The following CRYBG1 variants were observed in gnomAD, a reference collection of about 807,000 sequenced individuals.
The protein encoded by CRYBG1 is crystallin beta-gamma domain containing 1.
Under a neutral mutation model 189.2 loss-of-function variants are expected in CRYBG1, and 139 were observed. That is an observed-to-expected ratio of 0.73 (90% CI 0.64 to 0.85). CRYBG1 has a LOEUF of 0.85. Among genes scored for constraint, CRYBG1 ranks in the 40% least tolerant of loss-of-function variants. The probability of loss-of-function intolerance (pLI) is 0.00; values close to 1 mark genes in which losing one functional copy is unlikely to be tolerated. For synonymous variants in CRYBG1, 1,023 were observed against 1,017.1 expected (o/e 1.01, Z -0.11); for missense variants, 2,611 against 2,675.8 (o/e 0.98, Z 0.53).
At chr6:106,521,531 A>G in intron 4 of CRYBG1, 78 bp downstream of exon 4, 1 of 1,407,864 alleles carries the variant, frequency 7.1e-7, no homozygotes, top group Non-Finnish European at 9.6e-7. Flanking sequence ...AACTCATGTT[A>G]TTCTTTTAGA....
At chr6:106,497,579 G>A (rs1045933842) in intron 2 of CRYBG1, among the ~76,000 whole-genome samples, 10 of 152,196 alleles carry the variant, frequency 6.6e-5, no homozygotes, top group South Asian at 6.2e-4. Flanking sequence ...ACATGTGTGC[G>A]TGTATGTGAT....
At chr6:106,457,315 T>C (rs1771908999) in intron 2 of CRYBG1, 1 of 152,154 alleles carries the variant, frequency 6.6e-6, no homozygotes, top group Non-Finnish European at 1.5e-5. Flanking sequence ...TTTCTTTTAA[T>C]GCCACCGGTT....
chr6:106,530,083 T>C (rs1773843613), intron 7 of CRYBG1, 93 bp from the exon 8 acceptor site: 2 of 1,184,246 alleles, frequency 1.7e-6, no homozygotes, highest in Non-Finnish European at 2.3e-6. Context: ...TTAAAGCTCA[T>C]TTTGATTAGT....
At chr6:106,554,042 T>C (rs985428798) in intron 16 of CRYBG1, among the ~76,000 whole-genome samples, 1 of 152,086 alleles carries the variant, frequency 6.6e-6, no homozygotes, top group Non-Finnish European at 1.5e-5. Flanking sequence ...TTAGATGGCT[T>C]CCACAGGAAA....
intron 1 of CRYBG1, among the ~76,000 whole-genome samples, chr6:106,403,592 T>G (rs1770763956): frequency 6.6e-6 from 1 of 151,276 alleles, no homozygotes; most frequent in South Asian, 2.1e-4. Flanking sequence ...AAACACATTT[T>G]ATAGTGTAAC....
intron 21 of CRYBG1, among the ~76,000 whole-genome samples, chr6:106,564,350 G>A (rs9480684): frequency 0.15 from 22,127 of 152,200 alleles, 1,878 homozygotes; most frequent in African/African-American, 0.22. Flanking sequence ...CACTTAGTTC[G>A]GTAGAGTTGA....
At chr6:106,444,982 A>AAACC (rs1771638071) in intron 1 of CRYBG1, among the ~76,000 whole-genome samples, 1 of 69,092 alleles carries the variant, frequency 1.4e-5, no homozygotes, top group Non-Finnish European at 3.8e-5. Flanking sequence ...AAAACCAACA[A>AAACC]AACAAACAAA....
chr6:106,367,816 A>T (rs1769902387), intron 1 of CRYBG1, among the ~76,000 whole-genome samples: 1 of 115,748 alleles, frequency 8.6e-6, no homozygotes, highest in Non-Finnish European at 1.8e-5. Context: ...AAAAAAAAAA[A>T]ATTAGCCAGG....
intron 2 of CRYBG1, among the ~76,000 whole-genome samples, chr6:106,506,777 A>G (rs989951191): frequency 6.6e-6 from 1 of 152,150 alleles, no homozygotes; most frequent in Non-Finnish European, 1.5e-5. Context: ...ATATAAACAG[A>G]TTATAAACAT....
At chr6:106,545,832 C>T (rs544710780) in intron 13 of CRYBG1, among the ~76,000 whole-genome samples, 1 of 152,254 alleles carries the variant, frequency 6.6e-6, no homozygotes, top group South Asian at 2.1e-4. Flanking sequence ...ATGTGTGCCA[C>T]CAGGCCTGGC....
chr6:106,423,036 A>G (rs549876056), intron 1 of CRYBG1, among the ~76,000 whole-genome samples: 25 of 152,334 alleles, frequency 1.6e-4, no homozygotes, highest in Admixed American at 4.6e-4. Context: ...CTTGGAGGAT[A>G]TCAGACCACC....
At position 106,360,759 on chromosome 6, in the gene CRYBG1, G is replaced by T. The variant is rs2114278373; in HGVS notation, c.-150G>T. ...GCTGGGTGCTGGTTCTGCAACCCGC[G>T]GCCGTCCCCCCGCATCCGCGACGAG... is the stretch of plus-strand genomic sequence containing the variant. On this transcript the variant is annotated 5_prime_UTR_variant, in exon 1 of 22. Coordinates refer to ENST00000633556, the MANE Select transcript of CRYBG1 (RefSeq NM_001371242.2). 1 of 889,472 alleles carries T rather than the reference G, an allele frequency of 1.1e-6. No homozygotes were observed. The highest frequency in any genetic ancestry group is 1.8e-5 in the African/African-American group (1 of 55,918). The allele number at this position is 889,472 out of a possible 1,614,324, so 55.1% of individuals were successfully genotyped here.
intron 1 of CRYBG1, among the ~76,000 whole-genome samples, chr6:106,425,508 C>T (rs1234135067): frequency 3.3e-5 from 5 of 152,188 alleles, no homozygotes; most frequent in Non-Finnish European, 7.3e-5. Context: ...CCCTCACCCC[C>T]TATCTTATTA....
chr6:106,561,467 T>C lies in CRYBG1; in HGVS notation c.6105T>C (p.Ile2035=), dbSNP rs1774718349. ...AGGATGTCGGGGCCGATGATCAGAT[T>C]TGGATCTATCAAGAAGGATGTATCA... ...VMEDVGADDQ[I]WIYQEGCIKC... is the part of the protein sequence containing the mutation. The change falls in exon 20 of 22, where the codon ATT becomes ATC. Residue 2035 remains isoleucine, a synonymous_variant. Coordinates refer to ENST00000633556, the MANE Select transcript of CRYBG1 (RefSeq NM_001371242.2). 3 of 1,613,952 alleles carry C rather than the reference T, an allele frequency of 1.9e-6. No homozygotes were observed. The highest frequency in any genetic ancestry group is 2.5e-6 in the Non-Finnish European group (3 of 1,179,960).
chr6:106,387,136 GA>G (rs1770407376), intron 1 of CRYBG1, among the ~76,000 whole-genome samples: 2 of 152,132 alleles, frequency 1.3e-5, no homozygotes, highest in Admixed American at 1.3e-4. Flanking sequence ...AGTTAATAAG[GA>G]ATAAGGCTAA....
intron 1 of CRYBG1, among the ~76,000 whole-genome samples, chr6:106,375,385 TTA>T (rs1491476922): frequency 8.3e-5 from 12 of 144,980 alleles, no homozygotes; most frequent in African/African-American, 3.1e-4. Context: ...GGCCCTGTCT[TTA>T]AGTAAGTAAG....
chr6:106,560,093 G>T (rs2114596642), intron 18 of CRYBG1, among the ~76,000 whole-genome samples: 1 of 151,522 alleles, frequency 6.6e-6, no homozygotes, highest in South Asian at 2.1e-4. Flanking sequence ...GACCTACCTG[G>T]AAAAAAAAAT....
intron 8 of CRYBG1, among the ~76,000 whole-genome samples, chr6:106,536,554 T>A (rs191046549): frequency 6.6e-6 from 1 of 152,366 alleles, no homozygotes; most frequent in Admixed American, 6.5e-5. Flanking sequence ...GCTGTTTTTG[T>A]TTAAGAGCAA....
chr6:106,543,947 G>A (rs1344561265), intron 11 of CRYBG1, among the ~76,000 whole-genome samples: 1 of 152,194 alleles, frequency 6.6e-6, no homozygotes, highest in African/African-American at 2.4e-5. Context: ...AGCTACTTGG[G>A]AGGCTGAGGC....
Sources: allele counts gnomAD v4.1 joint callset (sites outside exome capture counted in the v4.1 genomes callset), GRCh38; gene constraint gnomAD v4.1.1; transcripts MANE v1.5; gene names NCBI Gene and HGNC (gene_info 2026-07-23, HGNC 2026-07-21).